Variants in MAP3K5 observed in about 807,000 individuals in gnomAD.
The protein encoded by MAP3K5 is ASK-1.
In MAP3K5, 56 loss-of-function variants were observed where a neutral mutation model predicts 158.7. The ratio of observed to expected loss-of-function variants is 0.35; its 90% CI spans 0.28 to 0.44. The LOEUF (loss-of-function observed/expected upper bound fraction) is 0.44, where lower values mean the gene tolerates loss of function less well. MAP3K5 is among the 20% of genes least tolerant of loss of function. MAP3K5 has a pLI of 1.00. For missense variants in MAP3K5, 1,294 were observed against 1,674.8 expected (o/e 0.77, Z 3.97); for synonymous variants, 579 against 601.7 (o/e 0.96, Z 0.55).
At chr6:136,585,919 G>A (rs1253875911) in intron 23 of MAP3K5, among the ~76,000 whole-genome samples, 1 of 151,990 alleles carries the variant, frequency 6.6e-6, no homozygotes, top group African/African-American at 2.4e-5. Context: ...ATTTTATATT[G>A]TACATTTTCT....
At chr6:136,638,624 A>C (rs1268952002) in intron 13 of MAP3K5, among the ~76,000 whole-genome samples, 1 of 152,226 alleles carries the variant, frequency 6.6e-6, no homozygotes, top group Non-Finnish European at 1.5e-5. Context: ...GTAGAGAATT[A>C]GTCCATACAA....
At chr6:136,772,371 T>C (rs558284744) in intron 1 of MAP3K5, among the ~76,000 whole-genome samples, 3 of 152,120 alleles carry the variant, frequency 2.0e-5, no homozygotes, top group East Asian at 3.9e-4. Flanking sequence ...GAAGATATCA[T>C]CAGAAACAGC....
At chr6:136,582,306 G>C (rs1583217645) in intron 24 of MAP3K5, among the ~76,000 whole-genome samples, 1 of 145,830 alleles carries the variant, frequency 6.9e-6, no homozygotes, top group East Asian at 2.0e-4. Flanking sequence ...GTGTGTGTGT[G>C]TGTCTGACCT....
intron 8 of MAP3K5, among the ~76,000 whole-genome samples, chr6:136,665,061 G>A (rs1159964580): frequency 6.6e-6 from 1 of 152,098 alleles, no homozygotes; most frequent in African/African-American, 2.4e-5. Context: ...CTGACAGCTG[G>A]GTCTTCCCAT....
intron 19 of MAP3K5, among the ~76,000 whole-genome samples, chr6:136,604,245 T>C (rs925177064): frequency 1.3e-5 from 2 of 150,690 alleles, no homozygotes; most frequent in African/African-American, 4.9e-5. Flanking sequence ...TTGCTTGAAC[T>C]CAGGAGACGG....
intron 1 of MAP3K5, among the ~76,000 whole-genome samples, chr6:136,764,680 C>T (rs914236546): frequency 1.3e-5 from 2 of 152,096 alleles, no homozygotes; most frequent in Non-Finnish European, 1.5e-5. Context: ...AAAAATGAAA[C>T]GCAGACCTCT....
At chr6:136,653,604 C>T (rs1778615122) in intron 10 of MAP3K5, among the ~76,000 whole-genome samples, 1 of 152,142 alleles carries the variant, frequency 6.6e-6, no homozygotes, top group Admixed American at 6.5e-5. Flanking sequence ...CAACTTATTA[C>T]CCAAATATTT....
chr6:136,621,858 G>A (rs190473186), intron 15 of MAP3K5, among the ~76,000 whole-genome samples: 4 of 152,192 alleles, frequency 2.6e-5, no homozygotes, highest in Admixed American at 1.3e-4. Flanking sequence ...AGGCCGAGGC[G>A]GGCGGATCAC....
In MAP3K5 at chr6:136,640,118, G is replaced by A. The variant is rs562735666; in HGVS notation, c.1839-480C>T. ...TAGAGGAGTGAAGCAATGTGCAAGT[G>A]CACTCGGTTAGGACTCAGTGAGTGG... is the stretch of plus-strand genomic sequence containing the variant. On this transcript the variant is annotated intron_variant, in intron 12 of 29. Transcript: ENST00000359015. Among the ~76,000 whole-genome samples the A allele has an allele frequency of 1.2e-4, 19 of 152,346 alleles. No individual in the cohort carries two copies. In the South Asian group the frequency reaches 3.7e-3, roughly 30 times the overall value.
At chr6:136,702,942 C>T (rs530341853) in intron 3 of MAP3K5, among the ~76,000 whole-genome samples, 33 of 152,186 alleles carry the variant, frequency 2.2e-4, no homozygotes, top group African/African-American at 7.9e-4. Flanking sequence ...ATGATCCTCC[C>T]GCCTCAGCCT....
intron 14 of MAP3K5, among the ~76,000 whole-genome samples, chr6:136,631,691 CAA>C (rs1376539089): frequency 2.0e-5 from 3 of 151,738 alleles, no homozygotes; most frequent in Non-Finnish European, 4.4e-5. Context: ...TAGGTTGGTG[CAA>C]AAGTAATTGT....
At chr6:136,734,806 G>C (rs1032077756) in intron 1 of MAP3K5, among the ~76,000 whole-genome samples, 1 of 152,176 alleles carries the variant, frequency 6.6e-6, no homozygotes, top group East Asian at 1.9e-4. Context: ...CGGTCACACA[G>C]AGTAGCCCTT....
At chr6:136,656,913 C>T (rs972939675) in intron 9 of MAP3K5, among the ~76,000 whole-genome samples, 1 of 152,356 alleles carries the variant, frequency 6.6e-6, no homozygotes, top group African/African-American at 2.4e-5. Flanking sequence ...TGAGCCACCA[C>T]GCCCAGCCGT....
At chr6:136,780,922 C>T (rs1784587399) in intron 1 of MAP3K5, among the ~76,000 whole-genome samples, 2 of 152,156 alleles carry the variant, frequency 1.3e-5, no homozygotes, top group South Asian at 2.1e-4. Flanking sequence ...AACAGATACA[C>T]GTTATACATC....
chr6:136,631,412 A>G (rs373751753), intron 14 of MAP3K5, among the ~76,000 whole-genome samples: 2 of 152,234 alleles, frequency 1.3e-5, no homozygotes, highest in African/African-American at 2.4e-5. Flanking sequence ...ATTCTGAACC[A>G]TAATTACTAA....
At chr6:136,688,229 T>G (rs1484115143) in intron 7 of MAP3K5, among the ~76,000 whole-genome samples, 1 of 151,954 alleles carries the variant, frequency 6.6e-6, no homozygotes, top group African/African-American at 2.4e-5. Context: ...TGAGAACACA[T>G]GGACACAGGG....
rs562837964 is a variant in MAP3K5 at position 136,720,549 on chromosome 6, C to T, written c.489G>A (p.Pro163=). ...VVEMSDAFRQ[P]SLFYHLGVRE... is the part of the protein sequence containing the mutation. ...TCACCCCAAGGTGGTAAAACAAGGA[C>T]GGCTGCCGGAAGGCATCGCTCATCT... The change falls in exon 2 of 30, where the codon CCG becomes CCA. Residue 163 remains proline (P), a synonymous_variant. Coordinates refer to ENST00000359015, the MANE Select transcript of MAP3K5 (RefSeq NM_005923.4). 5.6e-6 allele frequency: 9 copies of T among 1,613,036 alleles called. No homozygotes were observed. Among genetic ancestry groups the T allele is most frequent in the African/African-American group, 2.7e-5 (2 of 74,978 alleles).
intron 1 of MAP3K5, among the ~76,000 whole-genome samples, chr6:136,760,569 T>C (rs545461789): frequency 6.6e-6 from 1 of 152,328 alleles, no homozygotes; most frequent in East Asian, 1.9e-4. Flanking sequence ...CTAAAATCCA[T>C]ATGTTGAAAT....
At chr6:136,748,266 A>G (rs968217002) in intron 1 of MAP3K5, among the ~76,000 whole-genome samples, 12 of 152,174 alleles carry the variant, frequency 7.9e-5, no homozygotes, top group Non-Finnish European at 1.2e-4. Context: ...AGGCACTTGG[A>G]AAAATGTCAA....
Sources: allele counts gnomAD v4.1 joint callset (sites outside exome capture counted in the v4.1 genomes callset), GRCh38; gene constraint gnomAD v4.1.1; transcripts MANE v1.5; gene names NCBI Gene and HGNC (gene_info 2026-07-23, HGNC 2026-07-21).